The following COL26A1 variants were observed in gnomAD, a reference collection of about 807,000 sequenced individuals.
COL26A1 encodes the protein collagen alpha-1(XXVI) chain.
In COL26A1, 41 loss-of-function variants were observed where a neutral mutation model predicts 59.3. The observed-to-expected ratio is 0.69, with a 90% CI of 0.54 to 0.90. The LOEUF is 0.90. Ranked by LOEUF, COL26A1 falls within the 40% of genes least tolerant of loss-of-function variation. COL26A1 has a pLI of 0.00. For missense variants in COL26A1, 612 were observed against 602.3 expected (o/e 1.02, Z -0.17); for synonymous variants, 266 against 256.0 (o/e 1.04, Z -0.37).
intron 3 of COL26A1, among the ~76,000 whole-genome samples, chr7:101,505,183 T>A (rs1295570816): frequency 6.9e-6 from 1 of 145,496 alleles, no homozygotes; most frequent in African/African-American, 2.5e-5. Flanking sequence ...TAGATCCATG[T>A]TGGGTGGGTG....
intron 2 of COL26A1, among the ~76,000 whole-genome samples, chr7:101,422,311 C>CAAAA (rs112095038): frequency 1.7e-4 from 10 of 59,076 alleles, no homozygotes; most frequent in African/African-American, 4.5e-5. Context: ...AACTCCATCT[C>CAAAA]AAAAAAAAAA....
In COL26A1 at chr7:101,463,775, T is replaced by TTCTTTCTCTCTCTTTCTTTCTTTCTCTC. The variant is rs1166954362; in HGVS notation, c.385+15995_385+15996insCTCTCTTTCTTTCTTTCTCTCTCTTTCT. 3.8e-3 allele frequency among the ~76,000 whole-genome samples: 455 copies of TTCTTTCTCTCTCTTTCTTTCTTTCTCTC among 119,552 alleles called. 7 individuals are homozygous for TTCTTTCTCTCTCTTTCTTTCTTTCTCTC. Among genetic ancestry groups the TTCTTTCTCTCTCTTTCTTTCTTTCTCTC allele is most frequent in the African/African-American group, 0.015 (437 of 28,574 alleles). 78.4% of individuals were successfully genotyped at this position (119,552 alleles called of 152,430 possible). A position where few individuals can be genotyped will look rare whatever the true frequency, so the allele number is the denominator to read the frequency against. ...CTCCCTTCCCCTTTTCCTTCCTTCT[T>TTCTTTCTCTCTCTTTCTTTCTTTCTCTC]TCTTTCTTTCTTCCTTTCTTTCTCT... On this transcript the variant is annotated intron_variant, in intron 3 of 12. Transcript: ENST00000313669.
At chr7:101,407,312 C>T (rs375253964) in intron 1 of COL26A1, among the ~76,000 whole-genome samples, 6 of 152,252 alleles carry the variant, frequency 3.9e-5, no homozygotes, top group Admixed American at 1.3e-4. Context: ...CATGGCCCTC[C>T]GCTTGTCTCT....
intron 1 of COL26A1, among the ~76,000 whole-genome samples, chr7:101,391,480 A>G (rs1791726961): frequency 6.6e-6 from 1 of 152,164 alleles, no homozygotes; most frequent in Non-Finnish European, 1.5e-5. Context: ...TAGAGTCTTC[A>G]TGTTTCTCAT....
intron 9 of COL26A1, 89 bp from the exon 10 acceptor site, chr7:101,551,019 C>T: frequency 1.4e-6 from 2 of 1,388,746 alleles, no homozygotes; most frequent in South Asian, 1.2e-5. Flanking sequence ...AGACTCAGAG[C>T]ACAGTGGGCG....
intron 2 of COL26A1, among the ~76,000 whole-genome samples, chr7:101,420,640 C>T (rs1053144586): frequency 1.3e-5 from 2 of 149,502 alleles, no homozygotes; most frequent in African/African-American, 4.9e-5. Flanking sequence ...ACCAGCCCTG[C>T]CCCCACCAGC....
intron 1 of COL26A1, among the ~76,000 whole-genome samples, chr7:101,408,643 C>T (rs1222604985): frequency 6.6e-6 from 1 of 152,226 alleles, no homozygotes; most frequent in African/African-American, 2.4e-5. Flanking sequence ...GGCCACAACT[C>T]TGTTGACTCA....
intron 4 of COL26A1, among the ~76,000 whole-genome samples, chr7:101,539,097 C>T (rs531811555): frequency 2.0e-4 from 30 of 152,220 alleles, no homozygotes; most frequent in Non-Finnish European, 3.7e-4. Context: ...TGGGTCTCAG[C>T]CACCTTTGAC....
intron 1 of COL26A1, among the ~76,000 whole-genome samples, chr7:101,412,132 A>T (rs757786361): frequency 6.6e-6 from 1 of 152,116 alleles, no homozygotes; most frequent in African/African-American, 2.4e-5. Context: ...CTCCAGGGGC[A>T]GAGCTTGGAC....
At chr7:101,428,986 G>A (rs530867172) in intron 2 of COL26A1, among the ~76,000 whole-genome samples, 11 of 148,738 alleles carry the variant, frequency 7.4e-5, no homozygotes, top group African/African-American at 2.2e-4. Flanking sequence ...GTGCAGTGAC[G>A]TGATCTTGGC....
intron 3 of COL26A1, among the ~76,000 whole-genome samples, chr7:101,489,817 T>G (rs1179550671): frequency 3.8e-4 from 2 of 5,240 alleles, no homozygotes; most frequent in East Asian, 6.5e-3. Context: ...TTTCTTTCTT[T>G]CTTTCTTTCT....
chr7:101,419,521 C>G (rs1792459306), intron 1 of COL26A1, among the ~76,000 whole-genome samples: 1 of 152,180 alleles, frequency 6.6e-6, no homozygotes, highest in Admixed American at 6.5e-5. Context: ...TCACGGCCCC[C>G]ACACATTGGT....
intron 1 of COL26A1, among the ~76,000 whole-genome samples, chr7:101,393,975 G>T (rs1285099870): frequency 6.6e-6 from 1 of 151,280 alleles, no homozygotes; most frequent in African/African-American, 2.4e-5. Context: ...ATGGGATCTT[G>T]CTATGTTGCC....
intron 3 of COL26A1, among the ~76,000 whole-genome samples, chr7:101,487,871 C>T (rs1407365538): frequency 2.0e-5 from 3 of 152,198 alleles, no homozygotes; most frequent in Non-Finnish European, 4.4e-5. Flanking sequence ...CTGCACCCAC[C>T]GGCTATCACA....
chr7:101,370,686 C>T (rs1791171088), intron 1 of COL26A1, among the ~76,000 whole-genome samples: 1 of 152,052 alleles, frequency 6.6e-6, no homozygotes, highest in Non-Finnish European at 1.5e-5. Flanking sequence ...TTTCCTTCAT[C>T]TATACCTGCT....
At chr7:101,415,148 A>AC (rs66481106) in intron 1 of COL26A1, among the ~76,000 whole-genome samples, 3,012 of 142,418 alleles carry the variant, frequency 0.021, 48 homozygotes, top group Non-Finnish European at 0.028. Flanking sequence ...CCTGATCATA[A>AC]CCCCCCCCCT....
At chr7:101,489,697 C>CTT (rs371040898) in intron 3 of COL26A1, among the ~76,000 whole-genome samples, 1,094 of 18,342 alleles carry the variant, frequency 0.06, 92 homozygotes, top group East Asian at 0.22. Flanking sequence ...TTCTTTCTTT[C>CTT]TGTCTTTCTT....
At chr7:101,396,277 A>G (rs942841669) in intron 1 of COL26A1, among the ~76,000 whole-genome samples, 29 of 152,092 alleles carry the variant, frequency 1.9e-4, no homozygotes, top group Admixed American at 1.8e-3. Flanking sequence ...TTAAAACACA[A>G]CACAACACAA....
intron 3 of COL26A1, among the ~76,000 whole-genome samples, chr7:101,496,109 C>CATG (rs1255471172): frequency 6.6e-6 from 1 of 152,084 alleles, no homozygotes; most frequent in Non-Finnish European, 1.5e-5. Flanking sequence ...GGCGGCTTAG[C>CATG]ATGACTAGGC....
Sources: allele counts gnomAD v4.1 joint callset (sites outside exome capture counted in the v4.1 genomes callset), GRCh38; gene constraint gnomAD v4.1.1; transcripts MANE v1.5; gene names NCBI Gene and HGNC (gene_info 2026-07-23, HGNC 2026-07-21).